Variants in CTNND2 observed in about 807,000 individuals in gnomAD.
CTNND2 encodes the protein catenin delta 2.
A neutral mutation model predicts 144.4 loss-of-function variants in CTNND2; 22 were observed. That is an observed-to-expected ratio of 0.15 (90% CI 0.11 to 0.22). CTNND2 has a LOEUF of 0.22. Among genes scored for constraint, CTNND2 ranks in the 10% least tolerant of loss-of-function variants. CTNND2 has a pLI of 1.00. For synonymous variants in CTNND2, 751 were observed against 695.6 expected (o/e 1.08, Z -1.25); for missense variants, 1,353 against 1,618.8 (o/e 0.84, Z 2.82).
intron 8 of CTNND2, among the ~76,000 whole-genome samples, chr5:11,351,668 G>A (rs1030329527): frequency 5.9e-5 from 9 of 151,996 alleles, no homozygotes; most frequent in African/African-American, 2.2e-4. Context: ...CAAGAATCTG[G>A]GCACACAGTT....
chr5:11,616,120 T>A (rs1269868131), intron 2 of CTNND2, among the ~76,000 whole-genome samples: 2 of 152,246 alleles, frequency 1.3e-5, no homozygotes, highest in African/African-American at 4.8e-5. Flanking sequence ...TAAGCTCTCA[T>A]GCTCCTTTGC....
Position 10,988,302 on chromosome 5 carries a change from C to A in CTNND2, c.3212-60G>T. The A allele has an allele frequency of 6.3e-7, 1 of 1,598,404 alleles. No individual in the cohort carries two copies. The highest frequency in any genetic ancestry group is 8.6e-7 in the Non-Finnish European group (1 of 1,167,986). On this transcript the variant is annotated intron_variant, in intron 19 of 21. Coordinates refer to ENST00000304623, the MANE Select transcript of CTNND2 (RefSeq NM_001332.4). The surrounding 1 kb of genome is among the most constrained non-coding windows in gnomAD (Gnocchi z 5.9). ...TCTCATCCCACAGCGTGTGTGCCTT[C>A]CACACAGTCAGGGTCCTCACTATGC...
intron 7 of CTNND2, among the ~76,000 whole-genome samples, chr5:11,379,804 C>G (rs1350587698): frequency 6.6e-6 from 1 of 152,136 alleles, no homozygotes; most frequent in East Asian, 1.9e-4. Context: ...AAGTTTCTAA[C>G]AAGCACATAT....
chr5:11,246,691 A>G (rs1444222420), intron 9 of CTNND2, among the ~76,000 whole-genome samples: 1 of 113,050 alleles, frequency 8.8e-6, no homozygotes, highest in Non-Finnish European at 1.6e-5. Flanking sequence ...AAGTAGAGAC[A>G]GGGACACGAC....
At chr5:11,079,459 G>A (rs1580223513) in intron 16 of CTNND2, among the ~76,000 whole-genome samples, 1 of 152,306 alleles carries the variant, frequency 6.6e-6, no homozygotes, top group Middle Eastern at 3.4e-3. Flanking sequence ...GTCATCCTCT[G>A]AGAGGTTTCA....
At chr5:11,589,642 T>C (rs1378089377) in intron 2 of CTNND2, among the ~76,000 whole-genome samples, 1 of 152,186 alleles carries the variant, frequency 6.6e-6, no homozygotes, top group Non-Finnish European at 1.5e-5. Flanking sequence ...CACCCACTCC[T>C]AGCTATTATA....
At chr5:11,750,753 C>A (rs1395628667) in intron 1 of CTNND2, among the ~76,000 whole-genome samples, 1 of 151,596 alleles carries the variant, frequency 6.6e-6, no homozygotes, top group African/African-American at 2.4e-5. Flanking sequence ...AATTACAAAG[C>A]TTGTGACTAG....
intron 11 of CTNND2, among the ~76,000 whole-genome samples, chr5:11,180,929 G>C (rs1391837439): frequency 6.6e-6 from 1 of 152,218 alleles, no homozygotes; most frequent in Non-Finnish European, 1.5e-5. Flanking sequence ...CCGGTTGCCT[G>C]AGGATGTGGA....
intron 2 of CTNND2, among the ~76,000 whole-genome samples, chr5:11,694,979 G>A (rs986192836): frequency 1.3e-5 from 2 of 152,040 alleles, no homozygotes; most frequent in African/African-American, 4.8e-5. Context: ...GCATATAGCA[G>A]GTCATTTTTT....
At chr5:10,984,035 C>T (rs1409646621) in intron 20 of CTNND2, among the ~76,000 whole-genome samples, 1 of 152,154 alleles carries the variant, frequency 6.6e-6, no homozygotes, top group Non-Finnish European at 1.5e-5. Flanking sequence ...TCTCCTCCTC[C>T]CACGTCAAGT....
At chr5:11,784,173 G>A (rs1005749334) in intron 1 of CTNND2, among the ~76,000 whole-genome samples, 1 of 152,164 alleles carries the variant, frequency 6.6e-6, no homozygotes, top group Non-Finnish European at 1.5e-5. Flanking sequence ...GCTGAAAATG[G>A]CATAAGCAAT....
rs1330889750 is a variant in CTNND2 at position 11,397,081 on chromosome 5, G to A, written c.562C>T (p.Leu188Phe). ...CGGGCTTGTGTGCCTCGGGCCGGGA[G>A]CTGTGAAGGGGTGGTTTCCCCCAGG... ...LALGETTPSQ[L>F]PARGTQARAT... Residue 188 changes from leucine (L) to phenylalanine (F), a missense_variant, in exon 6 of 22, where the codon CTC (leucine) becomes TTC (phenylalanine). By Grantham distance (22) the Leu-to-Phe change is conservative (BLOSUM62 0). Transcript: ENST00000304623. 2 of 1,614,108 alleles carry A rather than the reference G, an allele frequency of 1.2e-6. No homozygotes were observed. The highest frequency in any genetic ancestry group is 2.2e-5 in the East Asian group (1 of 44,858).
intron 1 of CTNND2, among the ~76,000 whole-genome samples, chr5:11,827,192 A>G (rs1442742042): frequency 6.6e-6 from 1 of 152,222 alleles, no homozygotes; most frequent in Non-Finnish European, 1.5e-5. Flanking sequence ...ATCCCTAAAT[A>G]TATGAAACTC....
chr5:11,058,996 G>C (rs1746634222), intron 16 of CTNND2, among the ~76,000 whole-genome samples: 1 of 152,156 alleles, frequency 6.6e-6, no homozygotes, highest in South Asian at 2.1e-4. Context: ...CTACCCCATT[G>C]TATCTAGGAA....
chr5:11,478,499 G>A (rs190232483), intron 3 of CTNND2, among the ~76,000 whole-genome samples: 3 of 152,258 alleles, frequency 2.0e-5, no homozygotes, highest in Admixed American at 6.5e-5. Flanking sequence ...TTTAAGCACC[G>A]TGTCTTCAAA....
At chr5:11,072,196 T>G (rs1417179128) in intron 16 of CTNND2, among the ~76,000 whole-genome samples, 17 of 152,250 alleles carry the variant, frequency 1.1e-4, no homozygotes, top group Admixed American at 1.0e-3. Flanking sequence ...TTTGTATCTT[T>G]TGATCTCTCT....
intron 1 of CTNND2, among the ~76,000 whole-genome samples, chr5:11,868,035 A>G (rs899473329): frequency 1.3e-5 from 2 of 151,892 alleles, no homozygotes; most frequent in East Asian, 3.9e-4. Flanking sequence ...CAGGGGCAGG[A>G]TAGACAGAGT....
At chr5:11,721,181 G>A (rs899779620) in intron 2 of CTNND2, among the ~76,000 whole-genome samples, 1 of 152,136 alleles carries the variant, frequency 6.6e-6, no homozygotes, top group Non-Finnish European at 1.5e-5. Flanking sequence ...AATGAAACTT[G>A]AAACATTATG....
At chr5:11,423,513 G>A (rs1205796743) in intron 3 of CTNND2, among the ~76,000 whole-genome samples, 3 of 152,108 alleles carry the variant, frequency 2.0e-5, no homozygotes, top group African/African-American at 4.8e-5. Flanking sequence ...CCCTGTTGTC[G>A]GACCATCTCA....
Sources: gnomAD v4.1 joint callset for allele counts (sites outside exome capture counted in the v4.1 genomes callset) on GRCh38, gnomAD v4.1.1 for gene constraint, Gnocchi (gnomAD v3.1) non-coding constraint, MANE v1.5 for transcripts, NCBI Gene and HGNC (gene_info 2026-07-23, HGNC 2026-07-21) for gene names.